Variants in PPP1CB observed in about 807,000 individuals in gnomAD.
PPP1CB encodes protein phosphatase 1 catalytic subunit beta.
Under a neutral mutation model 43.7 loss-of-function variants are expected in PPP1CB, and 2 were observed. That is an observed-to-expected ratio of 0.05 (90% CI 0.02 to 0.14). PPP1CB has a LOEUF of 0.14. Among genes scored for constraint, PPP1CB ranks in the 10% least tolerant of loss-of-function variants. PPP1CB has a pLI of 1.00. For missense variants in PPP1CB, 84 were observed against 398.0 expected (o/e 0.21, Z 6.71); for synonymous variants, 136 against 135.6 (o/e 1.00, Z -0.02).
intron 1 of PPP1CB, among the ~76,000 whole-genome samples, chr2:28,766,268 C>T (rs905916744): frequency 9.2e-5 from 14 of 152,080 alleles, no homozygotes; most frequent in Non-Finnish European, 2.1e-4. Flanking sequence ...TGTGGTTGGC[C>T]AAATGAGGAT....
At chr2:28,780,605 A>T (rs1667139291) in intron 3 of PPP1CB, among the ~76,000 whole-genome samples, 1 of 152,228 alleles carries the variant, frequency 6.6e-6, no homozygotes, top group Non-Finnish European at 1.5e-5. Flanking sequence ...CTTTGGGGAT[A>T]GAAATGACAT....
Position 28,793,770 on chromosome 2 carries a change from G to A in PPP1CB, c.745-93G>A, listed in dbSNP as rs1667439343. The A allele has an allele frequency of 1.6e-5, 22 of 1,402,200 alleles. No homozygotes were observed. In the South Asian group the frequency reaches 3.1e-4, roughly 19 times the overall value. 86.9% of individuals were successfully genotyped at this position (1,402,200 alleles called of 1,614,324 possible). A position where few individuals can be genotyped will look rare whatever the true frequency, so the allele number is the denominator to read the frequency against. On this transcript the variant is annotated intron_variant, in intron 6 of 7. Coordinates refer to ENST00000395366, the MANE Select transcript of PPP1CB (RefSeq NM_002709.3). ...ACAGGGTGGTTTGGGGGTGAGGTGGGGCACAGTCTTTGCCACCTTAACCTT... is the reference window on the plus strand; with the variant it reads ...ACAGGGTGGTTTGGGGGTGAGGTGGAGCACAGTCTTTGCCACCTTAACCTT...
At chr2:28,752,288 T>C in intron 1 of PPP1CB, 112 bp downstream of exon 1, 1 of 1,030,118 alleles carries the variant, frequency 9.7e-7, no homozygotes, top group Non-Finnish European at 1.4e-6. Flanking sequence ...CCGAGACGAG[T>C]CTCTGGGAGC....
intron 1 of PPP1CB, among the ~76,000 whole-genome samples, chr2:28,755,134 T>A (rs542987093): frequency 2.6e-5 from 4 of 152,272 alleles, no homozygotes; most frequent in African/African-American, 9.6e-5. Context: ...CTGCAACCTC[T>A]GCCCCTGCAG....
rs571624698 is a variant in PPP1CB at position 28,791,530 on chromosome 2, A to G, written c.745-2333A>G. Among the ~76,000 whole-genome samples the G allele has an allele frequency of 1.8e-4, 27 of 152,070 alleles. No individual in the cohort carries two copies. In the South Asian group the frequency reaches 4.8e-3, roughly 27 times the overall value. ...TTTTTAGTAGAGACGGGGTTTCACT[A>G]TGTTGGCCTGGCTGGTCTCGAACTC... is the stretch of plus-strand genomic sequence containing the variant. On this transcript the variant is annotated intron_variant, in intron 6 of 7. Transcript: ENST00000395366.
intron 5 of PPP1CB, among the ~76,000 whole-genome samples, chr2:28,784,983 A>AT (rs1667231743): frequency 6.7e-6 from 1 of 149,280 alleles, no homozygotes; most frequent in Non-Finnish European, 1.5e-5. Flanking sequence ...AGAACTACAC[A>AT]TCAACCATTA....
rs183934646 is a variant in PPP1CB at position 28,753,912 on chromosome 2, A to G, written c.52+1736A>G. 5.1e-3 allele frequency among the ~76,000 whole-genome samples: 772 copies of G among 151,130 alleles called. 8 individuals carry two copies. Among genetic ancestry groups the G allele is most frequent in the African/African-American group, 0.018 (738 of 41,132 alleles). On this transcript the variant is annotated intron_variant, in intron 1 of 7. Transcript: ENST00000395366. ...ATCATGCCCGGCTAATTTTTTTTGT[A>G]TTTTTGTAGAGACGGAGGTTTCACC...
At chr2:28,765,590 C>T (rs1294742098) in intron 1 of PPP1CB, among the ~76,000 whole-genome samples, 2 of 152,236 alleles carry the variant, frequency 1.3e-5, no homozygotes, top group African/African-American at 4.8e-5. Context: ...GAAGATCTCA[C>T]TTGTCTTAAC....
chr2:28,753,170 A>G (rs997762759), intron 1 of PPP1CB, among the ~76,000 whole-genome samples: 1 of 151,794 alleles, frequency 6.6e-6, no homozygotes, highest in African/African-American at 2.4e-5. Context: ...TTGTTTTGTG[A>G]GTGTGTAGAA....
At chr2:28,785,384 G>C (rs1331412983) in intron 5 of PPP1CB, among the ~76,000 whole-genome samples, 1 of 151,836 alleles carries the variant, frequency 6.6e-6, no homozygotes, top group African/African-American at 2.4e-5. Flanking sequence ...TGTGTTATGA[G>C]CTTTTTTACA....
intron 1 of PPP1CB, among the ~76,000 whole-genome samples, chr2:28,770,380 AAGGG>A (rs1250510286): frequency 1.2e-4 from 2 of 16,424 alleles, no homozygotes; most frequent in Non-Finnish European, 2.5e-4. Context: ...AAGTAAAAAA[AAGGG>A]GGGGGGGAGG....
At chr2:28,771,960 TAAAAC>T (rs1190501253) in intron 1 of PPP1CB, among the ~76,000 whole-genome samples, 1 of 131,198 alleles carries the variant, frequency 7.6e-6, no homozygotes, top group East Asian at 2.1e-4. Flanking sequence ...ACAAAAGACT[TAAAAC>T]GAACTTGTCC....
intron 7 of PPP1CB, among the ~76,000 whole-genome samples, chr2:28,796,208 T>G (rs2148062023): frequency 6.6e-6 from 1 of 152,324 alleles, no homozygotes; most frequent in African/African-American, 2.4e-5. Flanking sequence ...ATAATGTACC[T>G]TGAAGTTTGG....
chr2:28,781,675 T>G (rs1423863369), intron 3 of PPP1CB, 63 bp from the exon 4 acceptor site: 1 of 1,138,608 alleles, frequency 8.8e-7, no homozygotes, highest in African/African-American at 1.6e-5. Flanking sequence ...ATCCTGCGGC[T>G]TTGAGATAAC....
chr2:28,767,361 T>G (rs995776626), intron 1 of PPP1CB, among the ~76,000 whole-genome samples: 12 of 148,368 alleles, frequency 8.1e-5, no homozygotes, highest in East Asian at 1.9e-4. Context: ...TATGTTGTGG[T>G]TTTTTTTTTA....
intron 1 of PPP1CB, among the ~76,000 whole-genome samples, chr2:28,770,052 TG>T (rs1457045656): frequency 6.6e-6 from 1 of 152,082 alleles, no homozygotes; most frequent in Non-Finnish European, 1.5e-5. Flanking sequence ...ACAGGTCACT[TG>T]AGGTCAGGAG....
At chr2:28,777,025 G>T (rs1476206286) in intron 2 of PPP1CB, 43 bp downstream of exon 2, 1 of 1,584,092 alleles carries the variant, frequency 6.3e-7, no homozygotes, top group Non-Finnish European at 8.6e-7. Context: ...TTTGAATCAT[G>T]TTTTTCCTCC....
intron 1 of PPP1CB, among the ~76,000 whole-genome samples, chr2:28,774,279 GTTC>G (rs1467785614): frequency 4.6e-5 from 7 of 152,140 alleles, no homozygotes; most frequent in South Asian, 2.1e-4. Context: ...ATAATGTACT[GTTC>G]TTCTTGTTCA....
At chr2:28,761,564 T>C (rs1010581238) in intron 1 of PPP1CB, among the ~76,000 whole-genome samples, 5 of 152,198 alleles carry the variant, frequency 3.3e-5, no homozygotes, top group Non-Finnish European at 5.9e-5. Context: ...AACAGAGAGC[T>C]CTTTGTGCCA....
Sources: gnomAD v4.1 joint callset for allele counts (sites outside exome capture counted in the v4.1 genomes callset) on GRCh38, gnomAD v4.1.1 for gene constraint, MANE v1.5 for transcripts, NCBI Gene and HGNC (gene_info 2026-07-23, HGNC 2026-07-21) for gene names.